The following ROS1 variants were observed in gnomAD, a reference collection of about 807,000 sequenced individuals.
ROS1 encodes the protein ROS proto-oncogene 1, receptor tyrosine kinase, also known as proto-oncogene tyrosine-protein kinase ROS.
A neutral mutation model predicts 273.5 loss-of-function variants in ROS1; 263 were observed. The observed-to-expected ratio is 0.96, with a 90% confidence interval of 0.87 to 1.06. The LOEUF is 1.06. Among genes scored for constraint, ROS1 ranks in the 50% least tolerant of loss-of-function variants. ROS1 has a pLI of 0.00. For missense variants in ROS1, 2,833 were observed against 2,751.1 expected (o/e 1.03, Z -0.67); for synonymous variants, 1,008 against 954.1 (o/e 1.06, Z -1.04).
Position 117,329,359 on chromosome 6 carries a change from C to T in ROS1, c.5318G>A (p.Cys1773Tyr), listed in dbSNP as rs1171864743. The change falls in exon 33 of 44, where the codon TGT becomes TAT. Residue 1773 changes from cysteine (C) to tyrosine (Y), a missense_variant. Physicochemically the swap from Cys to Tyr is radical, Grantham distance 194. Coordinates refer to ENST00000368507, the MANE Select transcript of ROS1 (RefSeq NM_001378902.1). ...CTCAAGGATATAGTATGTAATTCTA[C>T]ATCCATTATCTTCAGCTTTCTCCCA... ...IQWEKAEDNG[C>Y]RITYYILEIR... 5 of 1,558,908 alleles carry T rather than the reference C, an allele frequency of 3.2e-6. No individual in the cohort carries two copies. The highest frequency in any genetic ancestry group is 4.4e-6 in the Non-Finnish European group (5 of 1,130,778).
chr6:117,288,388 G>T lies in ROS1; in HGVS notation c.*104C>A. The T allele has an allele frequency of 1.9e-6, 2 of 1,047,390 alleles. No homozygotes were observed. Among genetic ancestry groups the T allele is most frequent in the Non-Finnish European group, 2.8e-6 (2 of 717,692 alleles). 64.9% of individuals were successfully genotyped at this position (1,047,390 alleles called of 1,614,324 possible). On this transcript the variant is annotated 3_prime_UTR_variant, in exon 44 of 44. Transcript: ENST00000368507. ...ATCAGGAACGTTGCATTGTTTATTT[G>T]GAGTTATAGACCACCATGACATTTA...
intron 41 of ROS1, 37 bp from the exon 42 acceptor site, chr6:117,308,965 T>C: frequency 1.3e-6 from 2 of 1,592,678 alleles, no homozygotes; most frequent in Non-Finnish European, 1.7e-6. Flanking sequence ...ATTATACTTA[T>C]TACAAACACC....
At chr6:117,413,616 T>C (rs141402509) in intron 4 of ROS1, among the ~76,000 whole-genome samples, 5 of 152,248 alleles carry the variant, frequency 3.3e-5, no homozygotes, top group Non-Finnish European at 7.4e-5. Flanking sequence ...TGTGAGACAT[T>C]ACTTACCATT....
Position 117,332,514 on chromosome 6 carries a change from C to A in ROS1, c.5231-3068G>T, listed in dbSNP as rs117969501. Among the ~76,000 whole-genome samples, 15 of 152,308 alleles carry A rather than the reference C, an allele frequency of 9.8e-5. No individual in the cohort carries two copies. In the East Asian group the frequency reaches 2.9e-3, roughly 29 times the overall value. On this transcript the variant is annotated intron_variant, in intron 32 of 43. Transcript: ENST00000368507. ...GTGGACCTAGTAGATGTCTACAGAA[C>A]TTTCTAGCCCAAATCAACAGAATAT...
At chr6:117,373,858 C>T (rs141356891) in intron 18 of ROS1, among the ~76,000 whole-genome samples, 2 of 152,364 alleles carry the variant, frequency 1.3e-5, no homozygotes, top group African/African-American at 2.4e-5. Flanking sequence ...TATATACCAA[C>T]AGCGACCAAG....
intron 36 of ROS1, 32 bp from the exon 37 acceptor site, chr6:117,320,062 C>A (rs2128559285): frequency 6.2e-7 from 1 of 1,600,552 alleles, no homozygotes; most frequent in Non-Finnish European, 8.5e-7. Context: ...GTCTCCCCAC[C>A]CTCCACATAT....
At chr6:117,309,246 A>C (rs1775353864) in intron 41 of ROS1, among the ~76,000 whole-genome samples, 1 of 152,146 alleles carries the variant, frequency 6.6e-6, no homozygotes, top group South Asian at 2.1e-4. Flanking sequence ...ACACAGAAAC[A>C]GACACACATG....
At chr6:117,325,325 G>A (rs566980871) in intron 34 of ROS1, among the ~76,000 whole-genome samples, 2 of 152,266 alleles carry the variant, frequency 1.3e-5, no homozygotes, top group East Asian at 3.9e-4. Context: ...GGGGCACAGG[G>A]TAGGTAGTGG....
chr6:117,311,169 A>T (rs758489691), intron 39 of ROS1, 52 bp from the exon 40 acceptor site: 2 of 1,024,198 alleles, frequency 2.0e-6, no homozygotes, highest in African/African-American at 3.2e-5. Flanking sequence ...TGCATGAAAT[A>T]TATACATATA....
At chr6:117,342,314 C>A in intron 29 of ROS1, 86 bp downstream of exon 29, 8 of 1,290,696 alleles carry the variant, frequency 6.2e-6, no homozygotes, top group Non-Finnish European at 8.6e-6. Flanking sequence ...ACTTCGCATT[C>A]AGATTTTAAA....
chr6:117,360,142 T>A (rs1260644309), intron 23 of ROS1, 131 bp from the exon 24 acceptor site: 3 of 789,438 alleles, frequency 3.8e-6, no homozygotes, highest in Non-Finnish European at 6.0e-6. Context: ...TCTTTCTCAG[T>A]GATAACCTTG....
At chr6:117,401,993 C>T (rs1030747451) in intron 7 of ROS1, among the ~76,000 whole-genome samples, 4 of 152,144 alleles carry the variant, frequency 2.6e-5, no homozygotes, top group African/African-American at 7.2e-5. Flanking sequence ...ACATGGCTTC[C>T]TACCAGTTCT....
Position 117,362,784 on chromosome 6 carries a change from A to C in ROS1, c.3185T>G (p.Phe1062Cys). 2.5e-6 allele frequency: 4 copies of C among 1,613,782 alleles called. No individual in the cohort carries two copies. Among genetic ancestry groups the C allele is most frequent in the Non-Finnish European group, 3.4e-6 (4 of 1,179,786 alleles). ...TTCATGCTTAGGTTTGTTCCACCTA[A>C]ATTCCACCACAACTTCATTCTTGTT... Reference protein sequence around the residue: ...CCNKNEVVVEFRWNKPKHENG... With the variant: ...CCNKNEVVVECRWNKPKHENG... The change falls in exon 22 of 44, where the codon TTT (phenylalanine) becomes TGT (cysteine). Residue 1062 changes from phenylalanine to cysteine, a missense_variant. Physicochemically the swap from Phe to Cys is radical, Grantham distance 205. Coordinates refer to ENST00000368507, the MANE Select transcript of ROS1 (RefSeq NM_001378902.1).
intron 43 of ROS1, among the ~76,000 whole-genome samples, chr6:117,295,549 G>T (rs894405903): frequency 6.6e-6 from 1 of 152,118 alleles, no homozygotes; most frequent in Non-Finnish European, 1.5e-5. Flanking sequence ...AAAGTGAAGG[G>T]ACAATCCACA....
chr6:117,294,923 A>C (rs2128527766), intron 43 of ROS1, among the ~76,000 whole-genome samples: 1 of 152,264 alleles, frequency 6.6e-6, no homozygotes, highest in Admixed American at 6.5e-5. Context: ...CCCTATCAAA[A>C]TACCAATGAC....
At chr6:117,292,601 G>T (rs1670125017) in intron 43 of ROS1, among the ~76,000 whole-genome samples, 2 of 152,234 alleles carry the variant, frequency 1.3e-5, no homozygotes, top group African/African-American at 2.4e-5. Context: ...GACCTAGTCT[G>T]CACCCTGGAC....
Position 117,362,861 on chromosome 6 carries a change from T to C in ROS1, c.3108A>G (p.Pro1036=). The C allele has an allele frequency of 1.2e-6, 2 of 1,609,476 alleles. No homozygotes were observed. Among genetic ancestry groups the C allele is most frequent in the Non-Finnish European group, 1.7e-6 (2 of 1,177,966 alleles). The change falls in exon 22 of 44, where the codon CCA becomes CCG. Residue 1036 remains proline, a synonymous_variant. Transcript: ENST00000368507. The part of the protein sequence containing the change: ...SLSLRAPETV[P]SAPENPRIFI... ...ATATTCTGGGGTTCTCTGGTGCTGA[T>C]GGAACTGAAAAGTAGAGGCACAGGT...
intron 24 of ROS1, among the ~76,000 whole-genome samples, chr6:117,359,575 T>C (rs1358272642): frequency 2.6e-5 from 4 of 152,168 alleles, no homozygotes; most frequent in Non-Finnish European, 4.4e-5. Context: ...ACCCATAATA[T>C]CCCAGGCTCT....
chr6:117,335,897 T>A (rs1332758173), intron 32 of ROS1, among the ~76,000 whole-genome samples: 14 of 151,878 alleles, frequency 9.2e-5, no homozygotes, highest in Admixed American at 9.2e-4. Flanking sequence ...CAAACCACCA[T>A]GGCACATGTA....
Sources: gnomAD v4.1 joint callset for allele counts (sites outside exome capture counted in the v4.1 genomes callset) on GRCh38, gnomAD v4.1.1 for gene constraint, MANE v1.5 for transcripts, NCBI Gene and HGNC (gene_info 2026-07-23, HGNC 2026-07-21) for gene names.